Variants in SRPK2 observed in about 807,000 individuals in gnomAD.
The protein encoded by SRPK2 is SRSF protein kinase 2, also known as SFRS protein kinase 2.
SRPK2 carries 21 observed loss-of-function variants against 90.8 expected under a neutral mutation model. The observed-to-expected ratio is 0.23, with a 90% confidence interval of 0.16 to 0.33. SRPK2 has a LOEUF of 0.33. SRPK2 is among the 10% of genes least tolerant of loss of function. The probability of loss-of-function intolerance (pLI) is 1.00; values close to 1 mark genes in which losing one functional copy is unlikely to be tolerated. For synonymous variants in SRPK2, 288 were observed against 311.1 expected, an observed-to-expected ratio of 0.93 and a Z score of 0.78; for missense variants, 620 against 869.0, an observed-to-expected ratio of 0.71 and a Z score of 3.60.
At chr7:105,284,711 T>C (rs576228280) in intron 2 of SRPK2, among the ~76,000 whole-genome samples, 12 of 152,210 alleles carry the variant, frequency 7.9e-5, no homozygotes, top group South Asian at 2.1e-4. Flanking sequence ...CCTAAAATTC[T>C]CACCTCGAGC....
intron 2 of SRPK2, chr7:105,268,795 T>C (rs761199195): frequency 1.3e-6 from 2 of 1,592,186 alleles, no homozygotes. Flanking sequence ...ATGCAAGAGA[T>C]GTAGCTGTAC....
intron 2 of SRPK2, among the ~76,000 whole-genome samples, chr7:105,283,126 G>T (rs1563189552): frequency 6.6e-6 from 1 of 152,146 alleles, no homozygotes; most frequent in Non-Finnish European, 1.5e-5. Context: ...GGCTATAATC[G>T]AAAAGACAGA....
At chr7:105,176,836 T>C (rs1252170942) in intron 3 of SRPK2, among the ~76,000 whole-genome samples, 1 of 152,028 alleles carries the variant, frequency 6.6e-6, no homozygotes, top group Non-Finnish European at 1.5e-5. Context: ...GGTTTCACCA[T>C]GTTGGCCAGG....
At chr7:105,256,266 T>C (rs1803291685) in intron 2 of SRPK2, among the ~76,000 whole-genome samples, 1 of 152,242 alleles carries the variant, frequency 6.6e-6, no homozygotes, top group Non-Finnish European at 1.5e-5. Context: ...TACCATAGGC[T>C]GAATCTGAAG....
chr7:105,299,588 A>T (rs1252386681), intron 2 of SRPK2, among the ~76,000 whole-genome samples: 1 of 152,144 alleles, frequency 6.6e-6, no homozygotes, highest in Non-Finnish European at 1.5e-5. Context: ...TTTTGACACA[A>T]TCTTTAGAAT....
chr7:105,381,004 A>T (rs1264614138), intron 2 of SRPK2, among the ~76,000 whole-genome samples: 2 of 150,376 alleles, frequency 1.3e-5, no homozygotes, highest in Non-Finnish European at 3.0e-5. Context: ...CATGACTGTA[A>T]TCCCAGCATT....
rs112501483 is a variant in SRPK2 at position 105,362,380 on chromosome 7, G to C, written c.71+26268C>G. Among the ~76,000 whole-genome samples, 1,424 of 152,166 alleles carry C rather than the reference G, an allele frequency of 9.4e-3. 20 individuals carry two copies. Among genetic ancestry groups the C allele is most frequent in the African/African-American group, 0.033 (1,378 of 41,538 alleles). On this transcript the variant is annotated intron_variant, in intron 2 of 15. Transcript: ENST00000393651. ...CCCAGCACTTTGAGAGGCCAAGGCG[G>C]GTGGATCACAAGGTTGGGAGATGGA...
intron 2 of SRPK2, among the ~76,000 whole-genome samples, chr7:105,347,383 A>G (rs966960746): frequency 1.3e-5 from 2 of 151,738 alleles, no homozygotes; most frequent in Non-Finnish European, 2.9e-5. Context: ...TTGTAGAGAC[A>G]GGTCTCACTA....
upstream of SRPK2, chr7:105,388,943 C>T: frequency 8.4e-7 from 1 of 1,184,238 alleles, no homozygotes; most frequent in Non-Finnish European, 1.0e-6. Context: ...GCCGCCGCCG[C>T]TCCAGCAGGG....
In SRPK2 at chr7:105,322,551, G is replaced by C. The variant is rs140018916; in HGVS notation, c.71+66097C>G. ...TAGGTAAATCAACACAGACAAAAAT[G>C]CATATTGGCTCCCAGGAGTTGGGGG... On this transcript the variant is annotated intron_variant, in intron 2 of 15. Coordinates refer to ENST00000393651, the MANE Select transcript of SRPK2 (RefSeq NM_182692.3). Among the ~76,000 whole-genome samples the C allele has an allele frequency of 4.3e-3, 649 of 152,222 alleles. 5 individuals are homozygous for C. The highest frequency in any genetic ancestry group is 0.015 in the African/African-American group (619 of 41,532).
chr7:105,363,189 AAAAT>A (rs1431530829), intron 2 of SRPK2, among the ~76,000 whole-genome samples: 4 of 151,632 alleles, frequency 2.6e-5, no homozygotes, highest in African/African-American at 4.8e-5. Context: ...AGTATAATAA[AAAAT>A]AAATAAAAAT....
chr7:105,166,523 G>A (rs923337557), intron 6 of SRPK2, among the ~76,000 whole-genome samples: 1 of 152,134 alleles, frequency 6.6e-6, no homozygotes. Flanking sequence ...AAAGATAGAT[G>A]GATCAATTAT....
intron 2 of SRPK2, among the ~76,000 whole-genome samples, chr7:105,338,497 G>C (rs1411144143): frequency 6.6e-6 from 1 of 152,100 alleles, no homozygotes; most frequent in Non-Finnish European, 1.5e-5. Flanking sequence ...ATCCACCTCA[G>C]GTGATCCACT....
chr7:105,189,228 C>T, intron 3 of SRPK2: 1 of 154,256 alleles, frequency 6.5e-6, no homozygotes, highest in Non-Finnish European at 1.5e-5. Flanking sequence ...ACTCCACCCT[C>T]ATTCTTCACT....
chr7:105,293,635 G>C (rs1298073588), intron 2 of SRPK2, among the ~76,000 whole-genome samples: 1 of 152,024 alleles, frequency 6.6e-6, no homozygotes, highest in African/African-American at 2.4e-5. Flanking sequence ...GGCCAGGCTG[G>C]TCTCAAACTC....
chr7:105,326,832 C>T (rs1405067036), intron 2 of SRPK2, among the ~76,000 whole-genome samples: 1 of 152,028 alleles, frequency 6.6e-6, no homozygotes, highest in Non-Finnish European at 1.5e-5. Flanking sequence ...CAGGTGGAGG[C>T]AGGTGGATCA....
intron 2 of SRPK2, among the ~76,000 whole-genome samples, chr7:105,347,987 C>A (rs1027973034): frequency 6.7e-6 from 1 of 149,310 alleles, no homozygotes; most frequent in African/African-American, 2.5e-5. Flanking sequence ...TCCTTGAAAA[C>A]AGAAATCAAA....
chr7:105,151,574 TTCCCAG>T (rs1805657111), intron 7 of SRPK2, among the ~76,000 whole-genome samples: 1 of 152,214 alleles, frequency 6.6e-6, no homozygotes, highest in African/African-American at 2.4e-5. Context: ...TCCCGCTATG[TTCCCAG>T]GCTGGAGTGC....
At chr7:105,193,068 T>C (rs185888704) in intron 3 of SRPK2, among the ~76,000 whole-genome samples, 83 of 152,344 alleles carry the variant, frequency 5.4e-4, no homozygotes, top group South Asian at 4.6e-3. Context: ...TTTAACTTTG[T>C]TTTGATCACA....
Sources: gnomAD v4.1 joint callset for allele counts (sites outside exome capture counted in the v4.1 genomes callset) on GRCh38, gnomAD v4.1.1 for gene constraint, MANE v1.5 for transcripts, NCBI Gene and HGNC (gene_info 2026-07-23, HGNC 2026-07-21) for gene names.